PBRM1: variants seen among roughly 807,000 people sequenced by gnomAD.
PBRM1 encodes protein polybromo-1.
Under a neutral mutation model 194.5 loss-of-function variants are expected in PBRM1, and 27 were observed. The observed-to-expected ratio is 0.14, with a 90% CI of 0.10 to 0.19. The LOEUF (loss-of-function observed/expected upper bound fraction) is 0.19, where lower values mean the gene tolerates loss of function less well. Among genes scored for constraint, PBRM1 ranks in the 10% least tolerant of loss-of-function variants. The pLI is 1.00. For synonymous variants in PBRM1, 655 were observed against 693.2 expected, an observed-to-expected ratio of 0.94 and a Z score of 0.87; for missense variants, 1,466 against 2,077.2, an observed-to-expected ratio of 0.71 and a Z score of 5.72.
intron 15 of PBRM1, among the ~76,000 whole-genome samples, chr3:52,611,461 C>G (rs1172640978): frequency 6.6e-6 from 1 of 152,018 alleles, no homozygotes; most frequent in Admixed American, 6.6e-5. Flanking sequence ...GCCTCTGGCT[C>G]CAACTACCAA....
intron 22 of PBRM1, among the ~76,000 whole-genome samples, chr3:52,573,589 C>T (rs1445997969): frequency 1.3e-5 from 2 of 152,182 alleles, no homozygotes; most frequent in East Asian, 3.8e-4. Context: ...GCCACCATGC[C>T]CGGCCAGAAT....
At chr3:52,681,855 T>C (rs1351121669), upstream of PBRM1, 7 of 254,498 alleles carry the variant, frequency 2.8e-5, no homozygotes, top group Non-Finnish European at 4.5e-5. Context: ...AAGGGGGAAA[T>C]AGAAAAGAAG....
At chr3:52,634,987 G>T (rs2095754012) in intron 10 of PBRM1, among the ~76,000 whole-genome samples, 172 bp from the exon 12 acceptor site, 1 of 152,166 alleles carries the variant, frequency 6.6e-6, no homozygotes, top group Admixed American at 6.5e-5. Flanking sequence ...GTGCAAGGGT[G>T]CGATCTTGGC....
intron 13 of PBRM1, among the ~76,000 whole-genome samples, chr3:52,626,324 A>C (rs1015703184): frequency 1.3e-5 from 2 of 152,208 alleles, no homozygotes; most frequent in Non-Finnish European, 2.9e-5. Context: ...AGCTTAAAAA[A>C]TTCTCCAAAA....
exon 30 of PBRM1, chr3:52,548,191 G>T: frequency 6.2e-7 from 1 of 1,608,926 alleles, no homozygotes; most frequent in Admixed American, 1.7e-5. Flanking sequence ...TGAGAGGGTA[G>T]GCGGCTCTCC....
chr3:52,594,731 T>C (rs762542804), intron 17 of PBRM1, among the ~76,000 whole-genome samples: 3 of 152,220 alleles, frequency 2.0e-5, no homozygotes, highest in Non-Finnish European at 4.4e-5. Flanking sequence ...TCATATTTAG[T>C]GCTTCTTTTG....
intron 25 of PBRM1, among the ~76,000 whole-genome samples, chr3:52,560,217 T>A (rs918620713): frequency 6.6e-6 from 1 of 152,172 alleles, no homozygotes; most frequent in African/African-American, 2.4e-5. Context: ...CAGGTATCTC[T>A]CTCCTGCTCA....
chr3:52,561,650 C>T (rs1365873770), intron 25 of PBRM1, 117 bp downstream of exon 27: 1 of 886,668 alleles, frequency 1.1e-6, no homozygotes, highest in Non-Finnish European at 1.9e-6. Flanking sequence ...TTGGAACAGT[C>T]CCCAAAATAA....
upstream of PBRM1, among the ~76,000 whole-genome samples, chr3:52,683,852 A>AAAAAAAAAC (rs2097259742): frequency 6.7e-6 from 1 of 150,290 alleles, no homozygotes. Context: ...TGAGACCTTC[A>AAAAAAAAAC]AAAAAAAAAG....
intron 16 of PBRM1, among the ~76,000 whole-genome samples, chr3:52,604,646 T>C (rs1242111155): frequency 1.3e-5 from 2 of 151,708 alleles, no homozygotes; most frequent in Non-Finnish European, 2.9e-5. Flanking sequence ...TAAGTTATGA[T>C]GGCACCGCTG....
At chr3:52,582,735 G>A (rs529935176) in intron 20 of PBRM1, among the ~76,000 whole-genome samples, 4 of 152,098 alleles carry the variant, frequency 2.6e-5, no homozygotes, top group South Asian at 2.1e-4. Flanking sequence ...CGCCTCTTAC[G>A]TAGAATCTTT....
At chr3:52,666,411 C>T (rs1002482374) in intron 3 of PBRM1, among the ~76,000 whole-genome samples, 2 of 152,024 alleles carry the variant, frequency 1.3e-5, no homozygotes, top group Non-Finnish European at 2.9e-5. Context: ...TGGTGGGTGC[C>T]TATAATCCCA....
In PBRM1 at chr3:52,566,375, T is replaced by C. The variant is rs2153552448; in HGVS notation, c.3692-2142A>G. ...AAAAGAAATCAGAGGATCAACTACT[T>C]GTACACCACTGGTAAGAGCAGTTTT... On this transcript the variant is annotated intron_variant, in intron 22 of 29. Coordinates refer to ENST00000296302, the Ensembl canonical transcript of PBRM1. Among the ~76,000 whole-genome samples, 3 of 152,266 alleles carry C rather than the reference T, an allele frequency of 2.0e-5. No individual in the cohort carries two copies. In the Middle Eastern group the frequency reaches 0.01, roughly 518 times the overall value.
At chr3:52,546,667 AT>A (rs1446768309), downstream of PBRM1, 1 of 232,422 alleles carries the variant, frequency 4.3e-6, no homozygotes, top group Non-Finnish European at 8.5e-6. Flanking sequence ...CCCAGTTACT[AT>A]AAAGCAGGTT....
At chr3:52,661,316 C>T (rs752002071) in intron 4 of PBRM1, among the ~76,000 whole-genome samples, 1 of 152,124 alleles carries the variant, frequency 6.6e-6, no homozygotes, top group Non-Finnish European at 1.5e-5. Context: ...TGAGCCACCT[C>T]GCCTGGCCAT....
chr3:52,661,427 C>T (rs570940322), intron 4 of PBRM1, among the ~76,000 whole-genome samples: 5 of 152,256 alleles, frequency 3.3e-5, no homozygotes, highest in Non-Finnish European at 7.4e-5. Flanking sequence ...TGCTTAGGAG[C>T]TATCATTCTA....
At chr3:52,652,227 T>C (rs2096516374) in intron 5 of PBRM1, among the ~76,000 whole-genome samples, 2 of 150,348 alleles carry the variant, frequency 1.3e-5, no homozygotes, top group Admixed American at 1.3e-4. Flanking sequence ...CTACTAAAAA[T>C]ACAAAAATTA....
At chr3:52,637,334 A>T (rs1420700603) in intron 10 of PBRM1, among the ~76,000 whole-genome samples, 5 of 152,112 alleles carry the variant, frequency 3.3e-5, no homozygotes, top group Non-Finnish European at 7.4e-5. Flanking sequence ...TTCTCCATTA[A>T]AAATGGAGAT....
intron 15 of PBRM1, among the ~76,000 whole-genome samples, chr3:52,610,477 T>C (rs1317692631): frequency 6.6e-6 from 1 of 152,230 alleles, no homozygotes; most frequent in Non-Finnish European, 1.5e-5. Context: ...ATTAGAGTTT[T>C]AAAATACTAA....
Sources: gnomAD v4.1 joint callset for allele counts (sites outside exome capture counted in the v4.1 genomes callset) on GRCh38, gnomAD v4.1.1 for gene constraint, MANE v1.5 for transcripts, NCBI Gene and HGNC (gene_info 2026-07-23, HGNC 2026-07-21) for gene names.